Variants in C12orf57 observed in about 807,000 individuals in gnomAD.
C12orf57 encodes the protein protein C10.
In C12orf57, 14 loss-of-function variants were observed where a neutral mutation model predicts 11.3. That is an observed-to-expected ratio of 1.24 (90% CI 0.82 to 1.94). C12orf57 has a LOEUF of 1.94. C12orf57 is among the 30% of genes most tolerant of loss of function. The pLI, the probability that C12orf57 is intolerant of heterozygous loss-of-function variation, is 0.00. For synonymous variants in C12orf57, 100 were observed against 74.6 expected (o/e 1.34, Z -1.76); for missense variants, 229 against 172.4 (o/e 1.33, Z -1.84).
chr12:6,944,033 C>A lies in C12orf57; in HGVS notation c.-89C>A, dbSNP rs969293578. 5.6e-6 allele frequency: 9 copies of A among 1,609,908 alleles called. No individual in the cohort carries two copies. Among genetic ancestry groups the A allele is most frequent in the South Asian group, 1.1e-5 (1 of 90,936 alleles). On this transcript the variant is annotated 5_prime_UTR_variant, in exon 1 of 3. Coordinates refer to ENST00000229281, the MANE Select transcript of C12orf57 (RefSeq NM_138425.4). ...GCCGGATGCTGTTTCCTTTCCGCTC[C>A]CAGGGGCGTTGGGAACGGTTGTAGG...
upstream of C12orf57, chr12:6,943,981 GGGCCACGCCTGGGCGCTTCC>G (rs1470049342): frequency 1.1e-4 from 180 of 1,575,914 alleles, no homozygotes; most frequent in Non-Finnish European, 1.5e-4. Flanking sequence ...ATGAAGGTTT[GGGCCACGCCTGGGCGCTTCC>G]GGCTGCGCCG....
At chr12:6,943,975 A>C (rs1215837119), upstream of C12orf57, 5 of 1,565,326 alleles carry the variant, frequency 3.2e-6, no homozygotes, top group African/African-American at 4.1e-5. Context: ...TGGGGTATGA[A>C]GGTTTGGGCC....
At chr12:6,943,849 G>T (rs782586264), upstream of C12orf57, 3 of 890,604 alleles carry the variant, frequency 3.4e-6, no homozygotes, top group Middle Eastern at 3.6e-4. Context: ...TTGTCTAGTA[G>T]GCTTTCTGGC....
upstream of C12orf57, chr12:6,943,947 T>C (rs782362237): frequency 9.5e-6 from 14 of 1,467,274 alleles, no homozygotes; most frequent in Admixed American, 7.0e-5. Context: ...TTTGGTGGTC[T>C]TGATGCAGTT....
chr12:6,944,920 A>G (rs1426650747), intron 2 of C12orf57: 1 of 1,325,328 alleles, frequency 7.5e-7, no homozygotes. Context: ...ATTTCGGAAT[A>G]TTTACATATA....
At chr12:6,944,257 G>C in intron 1 of C12orf57, 84 bp downstream of exon 1, 9 of 1,610,282 alleles carry the variant, frequency 5.6e-6, no homozygotes, top group Non-Finnish European at 7.6e-6. Context: ...GATGCGGGCG[G>C]AGGATGTGGG....
rs189699184 is a variant in C12orf57, at chr12:6,944,064, G to T, written c.-58G>T. 1 of 1,613,306 alleles carries T rather than the reference G, an allele frequency of 6.2e-7. No individual in the cohort carries two copies. On this transcript the variant is annotated 5_prime_UTR_variant, in exon 1 of 3. Transcript: ENST00000229281. ...GCGTTGGGAACGGTTGTAGGACGTG[G>T]CTCTTTATTCGTGAGTTTTCCATTT... is the stretch of plus-strand genomic sequence containing the variant.
chr12:6,943,809 T>TA (rs1945690439), upstream of C12orf57: 1 of 859,518 alleles, frequency 1.2e-6, no homozygotes, highest in Non-Finnish European at 1.6e-6. Flanking sequence ...TCCAAACACA[T>TA]ACGCAGCAGT....
intron 1 of C12orf57, 149 bp downstream of exon 1, chr12:6,944,322 G>T: frequency 1.3e-6 from 2 of 1,569,852 alleles, no homozygotes; most frequent in Non-Finnish European, 1.7e-6. Flanking sequence ...GCCGGGTACC[G>T]TCCTTCTAAG....
At chr12:6,943,738 G>A (rs782309798), upstream of C12orf57, 13 of 1,226,614 alleles carry the variant, frequency 1.1e-5, no homozygotes, top group Non-Finnish European at 1.4e-5. Context: ...ATAGGAACAA[G>A]AAAAAAGTCA....
chr12:6,943,864 T>TC, upstream of C12orf57: 3 of 937,258 alleles, frequency 3.2e-6, no homozygotes, highest in East Asian at 9.1e-5. Flanking sequence ...TCTGGCTTTT[T>TC]ACCGGAAAGC....
In C12orf57 at chr12:6,944,380, C is replaced by T. The variant is rs1945736856; in HGVS notation, c.53-96C>T. The stretch of plus-strand genomic sequence containing the variant: ...TGGGATCTTATTGGGTTACCTACAG[C>T]CTCAATCCACTAATTCCTTGCGCTC... On this transcript the variant is annotated intron_variant, in intron 1 of 2. Coordinates refer to ENST00000229281, the MANE Select transcript of C12orf57 (RefSeq NM_138425.4). The T allele has an allele frequency of 1.5e-5, 24 of 1,557,802 alleles. No homozygotes were observed. In the Admixed American group the frequency reaches 1.9e-4, roughly 13 times the overall value.
upstream of C12orf57, chr12:6,943,753 A>G (rs868975306): frequency 4.3e-6 from 5 of 1,152,152 alleles, no homozygotes; most frequent in Non-Finnish European, 5.6e-6. Context: ...AAGTCACCTA[A>G]GCTCACCCTC....
Position 6,945,833 on chromosome 12 carries a change from C to T in C12orf57, c.292C>T (p.Leu98=). Reference sequence around the variant, plus strand: ...AGCCCAGGATCCTGAGATCGCCAGCCTGTCAGGCAAGCTGAAGGCGCTGTT... The same window carrying T: ...AGCCCAGGATCCTGAGATCGCCAGCTTGTCAGGCAAGCTGAAGGCGCTGTT... ...YEAQDPEIAS[L]SGKLKALFLP... Residue 98 remains leucine, a synonymous_variant, in exon 3 of 3, where the codon CTG becomes TTG. Transcript: ENST00000229281. 6.2e-7 allele frequency: 1 copy of T among 1,613,930 alleles called. No individual in the cohort carries two copies. The highest frequency in any genetic ancestry group is 8.5e-7 in the Non-Finnish European group (1 of 1,179,932).
intron 2 of C12orf57, chr12:6,944,953 ACC>A: frequency 9.3e-7 from 1 of 1,077,086 alleles, no homozygotes; most frequent in South Asian, 2.3e-5. Flanking sequence ...GGGGGATGGG[ACC>A]TAAATCTGAA....
chr12:6,943,979 T>C (rs1442718536), upstream of C12orf57: 5 of 1,575,382 alleles, frequency 3.2e-6, no homozygotes, highest in Non-Finnish European at 4.3e-6. Context: ...GTATGAAGGT[T>C]TGGGCCACGC....
chr12:6,944,008 G>A (rs1301460379), upstream of C12orf57: 14 of 1,599,728 alleles, frequency 8.8e-6, no homozygotes, highest in South Asian at 5.6e-5. Context: ...TTCCGGCTGC[G>A]CCGGATGCTG....
At chr12:6,943,858 GCTTTT>G, upstream of C12orf57, 1 of 940,566 alleles carries the variant, frequency 1.1e-6, no homozygotes, top group South Asian at 1.8e-5. Context: ...AGGCTTTCTG[GCTTTT>G]TACCGGAAAG....
chr12:6,943,955 G>T, upstream of C12orf57: 1 of 1,514,896 alleles, frequency 6.6e-7, no homozygotes, highest in South Asian at 1.2e-5. Flanking sequence ...TCTTGATGCA[G>T]TTGTAAGCTT....
Sources: gnomAD v4.1 joint callset for allele counts on GRCh38, gnomAD v4.1.1 for gene constraint, MANE v1.5 for transcripts, NCBI Gene and HGNC (gene_info 2026-07-23, HGNC 2026-07-21) for gene names.